Variants in ASAP2 observed in about 807,000 individuals in gnomAD.
ASAP2 encodes the protein ArfGAP with SH3 domain, ankyrin repeat and PH domain 2, also known as arf-GAP with SH3 domain, ANK repeat and PH domain-containing protein 2.
Under a neutral mutation model 131.4 loss-of-function variants are expected in ASAP2, and 45 were observed. The observed-to-expected ratio is 0.34, with a 90% confidence interval of 0.27 to 0.44. ASAP2 has a LOEUF of 0.44. Among genes scored for constraint, ASAP2 ranks in the 20% least tolerant of loss-of-function variants. ASAP2 has a pLI of 1.00. For synonymous variants in ASAP2, 510 were observed against 503.0 expected, an observed-to-expected ratio of 1.01 and a Z score of -0.19; for missense variants, 1,011 against 1,297.0, an observed-to-expected ratio of 0.78 and a Z score of 3.39.
intron 14 of ASAP2, among the ~76,000 whole-genome samples, chr2:9,357,927 C>T (rs1351325641): frequency 6.6e-6 from 1 of 152,208 alleles, no homozygotes; most frequent in African/African-American, 2.4e-5. Context: ...ATGATGTACT[C>T]AAGGACATCT....
At chr2:9,283,685 C>T (rs1667276102) in intron 2 of ASAP2, among the ~76,000 whole-genome samples, 1 of 152,160 alleles carries the variant, frequency 6.6e-6, no homozygotes, top group Non-Finnish European at 1.5e-5. Flanking sequence ...AATTTATTTT[C>T]TCACAGGCCT....
At chr2:9,239,165 A>G (rs1663764052) in intron 1 of ASAP2, among the ~76,000 whole-genome samples, 1 of 152,216 alleles carries the variant, frequency 6.6e-6, no homozygotes, top group African/African-American at 2.4e-5. Flanking sequence ...ACTGACTGAG[A>G]TGACCATATG....
chr2:9,241,124 G>A (rs1450684244), intron 1 of ASAP2, among the ~76,000 whole-genome samples: 1 of 152,188 alleles, frequency 6.6e-6, no homozygotes, highest in Non-Finnish European at 1.5e-5. Flanking sequence ...ATGAAACTGT[G>A]GATAAGAGGG....
intron 1 of ASAP2, among the ~76,000 whole-genome samples, chr2:9,222,062 A>C (rs375349415): frequency 2.6e-5 from 4 of 152,222 alleles, no homozygotes; most frequent in African/African-American, 9.6e-5. Context: ...TGCTGGGATT[A>C]GAGGCGTGAG....
At chr2:9,317,358 C>G (rs1441454574) in intron 3 of ASAP2, among the ~76,000 whole-genome samples, 1 of 150,756 alleles carries the variant, frequency 6.6e-6, no homozygotes, top group African/African-American at 2.4e-5. Context: ...CTCACACAAT[C>G]ATTCACATTC....
At chr2:9,235,145 G>A (rs1371265303) in intron 1 of ASAP2, among the ~76,000 whole-genome samples, 5 of 152,134 alleles carry the variant, frequency 3.3e-5, no homozygotes, top group Admixed American at 3.3e-4. Flanking sequence ...GTTGTAGGCG[G>A]GGATCTGTGT....
At chr2:9,269,117 A>G (rs1489000219) in intron 1 of ASAP2, among the ~76,000 whole-genome samples, 2 of 152,134 alleles carry the variant, frequency 1.3e-5, no homozygotes, top group East Asian at 3.9e-4. Flanking sequence ...TCAAGGCGGT[A>G]TGTAGGTACT....
intron 16 of ASAP2, 103 bp downstream of exon 16, chr2:9,368,622 C>G: frequency 1.1e-6 from 1 of 904,982 alleles, no homozygotes; most frequent in Non-Finnish European, 1.8e-6. Context: ...TCCATCGTTG[C>G]TTCTTTAGGG....
At chr2:9,273,354 G>A (rs1666540246) in intron 1 of ASAP2, among the ~76,000 whole-genome samples, 1 of 151,998 alleles carries the variant, frequency 6.6e-6, no homozygotes, top group South Asian at 2.1e-4. Flanking sequence ...GTTCACTGTT[G>A]GCATATAGAA....
At chr2:9,327,738 G>T in intron 6 of ASAP2, 88 bp from the exon 7 acceptor site, 1 of 920,832 alleles carries the variant, frequency 1.1e-6, no homozygotes. Flanking sequence ...TGCCAAAGAA[G>T]TAGAAGAAAT....
In ASAP2 at chr2:9,404,686, A is replaced by G. The variant is rs185972569; in HGVS notation, c.*1359A>G. 2.5e-3 allele frequency: 387 copies of G among 152,194 alleles called. 2 individuals carry two copies. Among genetic ancestry groups the G allele is most frequent in the African/African-American group, 9.1e-3 (375 of 41,430 alleles). The allele number at this position is 152,194 out of a possible 1,614,324, so 9.4% of individuals were successfully genotyped here. Reference sequence around the variant, plus strand: ...AATGCTGTTAACTGCATTTGTTGTGATGGTGCATTTGATTGAAGCAGCTTG... The same window carrying G: ...AATGCTGTTAACTGCATTTGTTGTGGTGGTGCATTTGATTGAAGCAGCTTG... On this transcript the variant is annotated 3_prime_UTR_variant, in exon 28 of 28. Coordinates refer to ENST00000281419, the MANE Select transcript of ASAP2 (RefSeq NM_003887.3).
At chr2:9,324,997 C>T (rs558209555) in intron 6 of ASAP2, among the ~76,000 whole-genome samples, 2 of 151,938 alleles carry the variant, frequency 1.3e-5, no homozygotes, top group African/African-American at 4.8e-5. Flanking sequence ...CTCCTTGATT[C>T]CTCCTTTACC....
Position 9,403,789 on chromosome 2 carries a change from G to A in ASAP2, c.*462G>A, listed in dbSNP as rs1161049232. 1 of 157,428 alleles carries A rather than the reference G, an allele frequency of 6.4e-6. No individual in the cohort carries two copies. Among genetic ancestry groups the A allele is most frequent in the African/African-American group, 2.4e-5 (1 of 41,498 alleles). 9.8% of individuals were successfully genotyped at this position (157,428 alleles called of 1,614,324 possible). A position where few individuals can be genotyped will look rare whatever the true frequency, so the allele number is the denominator to read the frequency against. ...GAACTTTCTCGATAAAATGCCATCA[G>A]TTCACCTTTAAAGACACACATTCCT... On this transcript the variant is annotated 3_prime_UTR_variant, in exon 28 of 28. Coordinates refer to ENST00000281419, the MANE Select transcript of ASAP2 (RefSeq NM_003887.3).
intron 1 of ASAP2, chr2:9,271,703 C>T (rs1477360493): frequency 1.1e-5 from 5 of 469,062 alleles, no homozygotes; most frequent in Admixed American, 4.0e-5. Context: ...AGTAGGGAAG[C>T]GACGGGGCCC....
chr2:9,293,969 TC>T (rs1342898766), intron 2 of ASAP2, among the ~76,000 whole-genome samples: 1 of 151,706 alleles, frequency 6.6e-6, no homozygotes, highest in African/African-American at 2.4e-5. Flanking sequence ...GATCAATACA[TC>T]GTTTAGAAGA....
chr2:9,271,290 C>A, intron 1 of ASAP2: 1 of 801,138 alleles, frequency 1.2e-6, no homozygotes. Context: ...AGCATTTAAA[C>A]CCCATGAATC....
At chr2:9,401,133 C>T (rs1029989440) in intron 26 of ASAP2, 141 bp from the exon 27 acceptor site, 36 of 1,041,124 alleles carry the variant, frequency 3.5e-5, no homozygotes, top group Non-Finnish European at 5.0e-5. Flanking sequence ...GCTGCACTGA[C>T]CTGCCCCACC....
chr2:9,210,036 T>C (rs1264746652), intron 1 of ASAP2, among the ~76,000 whole-genome samples: 1 of 152,236 alleles, frequency 6.6e-6, no homozygotes, highest in Non-Finnish European at 1.5e-5. Flanking sequence ...ACTATGAAAC[T>C]CACAGGTATT....
chr2:9,347,000 G>C (rs1457525459), intron 11 of ASAP2, among the ~76,000 whole-genome samples: 1 of 152,196 alleles, frequency 6.6e-6, no homozygotes, highest in African/African-American at 2.4e-5. Flanking sequence ...GTCACACAGC[G>C]TGTGCATATT....
Sources: allele counts gnomAD v4.1 joint callset (sites outside exome capture counted in the v4.1 genomes callset), GRCh38; gene constraint gnomAD v4.1.1; transcripts MANE v1.5; gene names NCBI Gene and HGNC (gene_info 2026-07-23, HGNC 2026-07-21).